The following INPP4B variants were observed in gnomAD, a reference collection of about 807,000 sequenced individuals.
The protein encoded by INPP4B is inositol polyphosphate-4-phosphatase type II B, also known as inositol polyphosphate 4-phosphatase type II.
A neutral mutation model predicts 122.5 loss-of-function variants in INPP4B; 55 were observed. The ratio of observed to expected loss-of-function variants is 0.45; its 90% confidence interval spans 0.36 to 0.56. The LOEUF (loss-of-function observed/expected upper bound fraction) is 0.56. Among genes scored for constraint, INPP4B ranks in the 20% least tolerant of loss-of-function variants. The pLI is 0.00. For synonymous variants in INPP4B, 403 were observed against 388.7 expected, an observed-to-expected ratio of 1.04 and a Z score of -0.43; for missense variants, 1,000 against 1,097.7, an observed-to-expected ratio of 0.91 and a Z score of 1.26.
At chr4:142,640,781 A>T (rs1390227020) in intron 2 of INPP4B, among the ~76,000 whole-genome samples, 1 of 152,088 alleles carries the variant, frequency 6.6e-6, no homozygotes, top group African/African-American at 2.4e-5. Flanking sequence ...GCATTTTCAA[A>T]AAAAAAAGAT....
Position 142,314,360 on chromosome 4 carries a change from C to A in INPP4B, c.423+352G>T, listed in dbSNP as rs80049438. ...AAATACCACAATCCTAGGGCTGGTTCTCTTCCTCCTTCCTGAAGCGGTAGA... is the reference window on the plus strand; with the variant it reads ...AAATACCACAATCCTAGGGCTGGTTATCTTCCTCCTTCCTGAAGCGGTAGA... On this transcript the variant is annotated intron_variant, in intron 8 of 25. Coordinates refer to ENST00000262992, the MANE Select transcript of INPP4B (RefSeq NM_001101669.3). 5.3e-3 allele frequency among the ~76,000 whole-genome samples: 807 copies of A among 152,222 alleles called. 6 individuals are homozygous for A. Among genetic ancestry groups the A allele is most frequent in the African/African-American group, 0.018 (750 of 41,544 alleles).
At position 142,215,960 on chromosome 4, in the gene INPP4B, T is replaced by C. The variant is rs948064363; in HGVS notation, c.837-6934A>G. 2.4e-5 allele frequency among the ~76,000 whole-genome samples: 3 copies of C among 124,320 alleles called. 1 individual carries two copies. Among genetic ancestry groups the C allele is most frequent in the African/African-American group, 8.7e-5 (3 of 34,540 alleles). 81.6% of individuals were successfully genotyped at this position (124,320 alleles called of 152,430 possible). A position where few individuals can be genotyped will look rare whatever the true frequency, so the allele number is the denominator to read the frequency against. The stretch of plus-strand genomic sequence containing the variant: ...AAGGAATCTGACACTAATGTTGTAA[T>C]TAAATAGTTGCATACCATTACAAAG... On this transcript the variant is annotated intron_variant, in intron 12 of 25. Coordinates refer to ENST00000262992, the MANE Select transcript of INPP4B (RefSeq NM_001101669.3).
chr4:142,714,387 A>G (rs1763503652), intron 2 of INPP4B, among the ~76,000 whole-genome samples: 1 of 152,182 alleles, frequency 6.6e-6, no homozygotes, highest in Non-Finnish European at 1.5e-5. Context: ...AAATTCAGGC[A>G]CAATCACTTT....
At chr4:142,669,242 C>A (rs753210914) in intron 2 of INPP4B, among the ~76,000 whole-genome samples, 27 of 151,762 alleles carry the variant, frequency 1.8e-4, no homozygotes, top group Non-Finnish European at 8.8e-5. Context: ...CTCATAGTAC[C>A]CAAAAGATCT....
intron 2 of INPP4B, among the ~76,000 whole-genome samples, chr4:142,690,768 T>A (rs1760063398): frequency 6.6e-6 from 1 of 152,110 alleles, no homozygotes; most frequent in African/African-American, 2.4e-5. Flanking sequence ...TCTATCCCAG[T>A]GAATACTAAA....
At chr4:142,756,091 T>C (rs1485050583) in intron 1 of INPP4B, among the ~76,000 whole-genome samples, 1 of 152,004 alleles carries the variant, frequency 6.6e-6, no homozygotes, top group Non-Finnish European at 1.5e-5. Context: ...GGGTATATGA[T>C]ATAGTGCAGG....
chr4:142,124,906 A>C, intron 18 of INPP4B, 146 bp from the exon 19 acceptor site: 1 of 646,380 alleles, frequency 1.5e-6, no homozygotes, highest in Non-Finnish European at 2.4e-6. Flanking sequence ...GAAGATCTCT[A>C]ATTTAAATCT....
intron 2 of INPP4B, among the ~76,000 whole-genome samples, chr4:142,580,756 A>T (rs1734886396): frequency 6.6e-6 from 1 of 152,108 alleles, no homozygotes; most frequent in African/African-American, 2.4e-5. Context: ...TACTGGATAA[A>T]GTTAAACCTG....
At chr4:142,395,906 A>G (rs1293658157) in intron 7 of INPP4B, among the ~76,000 whole-genome samples, 1 of 152,138 alleles carries the variant, frequency 6.6e-6, no homozygotes, top group Non-Finnish European at 1.5e-5. Context: ...GAAAGGGAAA[A>G]ATGAGGAGTT....
At chr4:142,273,597 C>A (rs1048087531) in intron 9 of INPP4B, among the ~76,000 whole-genome samples, 17 of 151,814 alleles carry the variant, frequency 1.1e-4, no homozygotes, top group Admixed American at 1.1e-3. Context: ...CTATCTATTC[C>A]CTTTCTTAAA....
At chr4:142,202,824 T>G in intron 14 of INPP4B, 1 of 969,752 alleles carries the variant, frequency 1.0e-6, no homozygotes, top group Non-Finnish European at 1.2e-6. Context: ...GACAGGTGTG[T>G]TTCACTCATG....
intron 25 of INPP4B, among the ~76,000 whole-genome samples, chr4:142,068,923 C>G (rs894614615): frequency 6.6e-5 from 10 of 152,106 alleles, no homozygotes; most frequent in African/African-American, 2.2e-4. Context: ...GACAGATCAA[C>G]AAGACAGAAA....
At chr4:142,132,460 T>C (rs528831712) in intron 18 of INPP4B, among the ~76,000 whole-genome samples, 4 of 151,580 alleles carry the variant, frequency 2.6e-5, no homozygotes, top group African/African-American at 9.7e-5. Context: ...GCAGTCAATA[T>C]TTTTTTTTAC....
intron 7 of INPP4B, among the ~76,000 whole-genome samples, chr4:142,345,747 G>C (rs1364636404): frequency 6.6e-6 from 1 of 151,936 alleles, no homozygotes; most frequent in Non-Finnish European, 1.5e-5. Flanking sequence ...ATTAACATTT[G>C]ACTTAATTTA....
At position 142,590,894 on chromosome 4, in the gene INPP4B, A is replaced by AAAAAAC. The variant is rs1553964631; in HGVS notation, c.-190-128169_-190-128168insGTTTTT. Among the ~76,000 whole-genome samples the AAAAAAC allele has an allele frequency of 8.2e-3, 1,225 of 150,250 alleles. 9 individuals are homozygous for AAAAAAC. The highest frequency in any genetic ancestry group is 0.029 in the African/African-American group (1,173 of 40,568). ...AATATCATTCTCCAAAAAAAAAAAAAAAAAAACAAAAGAACTAGGGATACT... is the reference window on the plus strand; with the variant it reads ...AATATCATTCTCCAAAAAAAAAAAAAAAAAACAAAAAACAAAAGAACTAGGGATACT... On this transcript the variant is annotated intron_variant, in intron 2 of 25. Transcript: ENST00000262992.
At chr4:142,711,798 A>G (rs1212544986) in intron 2 of INPP4B, among the ~76,000 whole-genome samples, 1 of 152,168 alleles carries the variant, frequency 6.6e-6, no homozygotes, top group African/African-American at 2.4e-5. Flanking sequence ...CTGTAACCCC[A>G]GCACTTTGGG....
At chr4:142,484,297 T>C (rs1820939810) in intron 2 of INPP4B, among the ~76,000 whole-genome samples, 1 of 152,124 alleles carries the variant, frequency 6.6e-6, no homozygotes, top group Non-Finnish European at 1.5e-5. Flanking sequence ...AAATTATTAG[T>C]ATTTTTTAAC....
intron 2 of INPP4B, among the ~76,000 whole-genome samples, chr4:142,529,856 G>A (rs372879010): frequency 1.3e-5 from 2 of 151,822 alleles, no homozygotes; most frequent in African/African-American, 2.4e-5. Context: ...CCAGAATCAT[G>A]GAGACTACAT....
In INPP4B at chr4:142,024,758, C is replaced by T. The variant is rs1163690356; in HGVS notation, c.*4024G>A. 2.0e-5 allele frequency: 3 copies of T among 152,118 alleles called. No individual in the cohort carries two copies. Among genetic ancestry groups the T allele is most frequent in the Non-Finnish European group, 4.4e-5 (3 of 68,006 alleles). The allele number at this position is 152,118 out of a possible 1,614,324, so 9.4% of individuals were successfully genotyped here. On this transcript the variant is annotated 3_prime_UTR_variant, in exon 26 of 26. Transcript: ENST00000262992. ...TTTTAGCAAATGCCAAAATTATAAA[C>T]TCCAAAATAGATGGTGAAGTACATT...
Sources: allele counts gnomAD v4.1 joint callset (sites outside exome capture counted in the v4.1 genomes callset), GRCh38; gene constraint gnomAD v4.1.1; transcripts MANE v1.5; gene names NCBI Gene and HGNC (gene_info 2026-07-23, HGNC 2026-07-21).